TAB2: variants seen among roughly 807,000 people sequenced by gnomAD.
TAB2 encodes the protein TGF-beta-activated kinase 1 and MAP3K7-binding protein 2.
TAB2 carries 3 observed loss-of-function variants against 65.0 expected under a neutral mutation model. That is an observed-to-expected ratio of 0.05 (90% CI 0.02 to 0.12). The LOEUF (loss-of-function observed/expected upper bound fraction) is 0.12, where lower values mean the gene tolerates loss of function less well. Ranked by LOEUF, TAB2 falls within the 10% of genes least tolerant of loss-of-function variation. The pLI is 1.00. For synonymous variants in TAB2, 298 were observed against 285.1 expected (o/e 1.05, Z -0.46); for missense variants, 623 against 840.3 (o/e 0.74, Z 3.20).
chr6:149,383,779 C>T (rs1781697988), intron 3 of TAB2, among the ~76,000 whole-genome samples: 1 of 152,176 alleles, frequency 6.6e-6, no homozygotes, highest in Non-Finnish European at 1.5e-5. Context: ...GATGTGGTTT[C>T]ACCTTGTTGG....
chr6:149,264,123 G>A (rs771260355), intron 1 of TAB2, among the ~76,000 whole-genome samples: 91 of 152,298 alleles, frequency 6.0e-4, no homozygotes, highest in South Asian at 1.5e-3. Context: ...GGCAGGTAGC[G>A]CTGGTCTGAG....
At chr6:149,285,338 T>C (rs1311225930) in intron 1 of TAB2, among the ~76,000 whole-genome samples, 1 of 152,174 alleles carries the variant, frequency 6.6e-6, no homozygotes, top group African/African-American at 2.4e-5. Flanking sequence ...AACCCTCAAA[T>C]ACTTGACAAT....
chr6:149,315,895 T>C (rs867373038), upstream of TAB2, among the ~76,000 whole-genome samples: 2 of 152,326 alleles, frequency 1.3e-5, no homozygotes, highest in South Asian at 2.1e-4. Context: ...CTATAAAGCA[T>C]TATATTTCTA....
chr6:149,371,532 T>G (rs1422813868), intron 2 of TAB2, among the ~76,000 whole-genome samples: 1 of 152,214 alleles, frequency 6.6e-6, no homozygotes, highest in Non-Finnish European at 1.5e-5. Flanking sequence ...GCATATCTTT[T>G]GGTGATAAAC....
chr6:149,315,961 A>T (rs1488941691), upstream of TAB2, among the ~76,000 whole-genome samples: 1 of 152,234 alleles, frequency 6.6e-6, no homozygotes, highest in Non-Finnish European at 1.5e-5. Flanking sequence ...CATAAAATAC[A>T]TCATCCTACC....
intron 1 of TAB2, among the ~76,000 whole-genome samples, chr6:149,225,446 G>A (rs1459226341): frequency 6.6e-6 from 1 of 152,182 alleles, no homozygotes; most frequent in African/African-American, 2.4e-5. Flanking sequence ...TTTAGAGTTT[G>A]TCAGATTCCA....
chr6:149,259,365 AC>A (rs1778106094), intron 1 of TAB2, among the ~76,000 whole-genome samples: 1 of 151,672 alleles, frequency 6.6e-6, no homozygotes, highest in Non-Finnish European at 1.5e-5. Context: ...ACACACACAC[AC>A]ACACACATAC....
intron 1 of TAB2, among the ~76,000 whole-genome samples, chr6:149,341,547 G>A (rs1780127657): frequency 6.6e-6 from 1 of 152,100 alleles, no homozygotes; most frequent in Admixed American, 6.5e-5. Context: ...CAGCAGGGTG[G>A]GTAGTGATAT....
chr6:149,286,946 T>C (rs1778686867), intron 1 of TAB2, among the ~76,000 whole-genome samples: 1 of 152,016 alleles, frequency 6.6e-6, no homozygotes, highest in African/African-American at 2.4e-5. Flanking sequence ...CAAAACCCCG[T>C]TTCTACTAAA....
At chr6:149,338,282 A>G (rs1433003144) in intron 1 of TAB2, among the ~76,000 whole-genome samples, 1 of 152,212 alleles carries the variant, frequency 6.6e-6, no homozygotes, top group Non-Finnish European at 1.5e-5. Context: ...ATGAGTTTCC[A>G]TATGAAGCTT....
chr6:149,259,608 G>A lies in TAB2; in HGVS notation c.-121+40832G>A, dbSNP rs115952580. On this transcript the variant is annotated intron_variant, in intron 1 of 1. Coordinates refer to the TAB2 transcript ENST00000606202. ...TTAGCATTGCCCAACCTGGACAAAGGCAGGATATTCAGGAATCTCCAGAAG... is the reference window on the plus strand; with the variant it reads ...TTAGCATTGCCCAACCTGGACAAAGACAGGATATTCAGGAATCTCCAGAAG... Among the ~76,000 whole-genome samples the A allele has an allele frequency of 5.0e-3, 758 of 152,320 alleles. 5 individuals carry two copies. The highest frequency in any genetic ancestry group is 0.018 in the African/African-American group (731 of 41,558).
intron 1 of TAB2, among the ~76,000 whole-genome samples, chr6:149,220,342 G>A (rs1445323300): frequency 6.6e-6 from 1 of 152,076 alleles, no homozygotes; most frequent in African/African-American, 2.4e-5. Flanking sequence ...AATTGCAAAT[G>A]GAATCAAATT....
chr6:149,265,150 T>C (rs748180143), intron 1 of TAB2, among the ~76,000 whole-genome samples: 24 of 148,544 alleles, frequency 1.6e-4, no homozygotes, highest in Non-Finnish European at 3.3e-4. Flanking sequence ...TTTGAAATAA[T>C]GCTGGAAAAA....
At chr6:149,244,167 T>C (rs531078293) in intron 1 of TAB2, 1 of 152,358 alleles carries the variant, frequency 6.6e-6, no homozygotes, top group Admixed American at 6.5e-5. Flanking sequence ...GGCTGAGGCT[T>C]TCCAGTGTTT....
chr6:149,223,371 A>G lies in TAB2; in HGVS notation c.-121+4595A>G, dbSNP rs79355753. ...GCAGAATCTGTGCAGCTAAACAGAA[A>G]TTAAAACAACTGATTTCTAAGACTC... On this transcript the variant is annotated intron_variant, in intron 1 of 1. Coordinates refer to the TAB2 transcript ENST00000606202. Among the ~76,000 whole-genome samples the G allele has an allele frequency of 2.9e-4, 44 of 152,352 alleles. 2 individuals carry two copies. The East Asian group carries it at 8.5e-3, about 29-fold the overall frequency.
intron 1 of TAB2, among the ~76,000 whole-genome samples, chr6:149,340,778 T>G (rs751918115): frequency 6.6e-6 from 1 of 152,166 alleles, no homozygotes; most frequent in African/African-American, 2.4e-5. Flanking sequence ...ATATTTTGAA[T>G]AAGACACTTC....
At chr6:149,342,536 C>G (rs1414662670) in intron 1 of TAB2, 3 of 152,136 alleles carry the variant, frequency 2.0e-5, no homozygotes, top group East Asian at 1.9e-4. Flanking sequence ...TGGTTACTTG[C>G]AATTTAAGAG....
chr6:149,326,622 A>G lies in TAB2; in HGVS notation c.-90+8607A>G, dbSNP rs138512075. On this transcript the variant is annotated intron_variant, in intron 1 of 6. Coordinates refer to ENST00000637181, the MANE Select transcript of TAB2 (RefSeq NM_001292034.3). ...GAGTGCAATGTTGCAATCTCAGCTCACTGCAACCTTTGCCTCCTGGGTTCA... is the reference window on the plus strand; with the variant it reads ...GAGTGCAATGTTGCAATCTCAGCTCGCTGCAACCTTTGCCTCCTGGGTTCA... Among the ~76,000 whole-genome samples the G allele has an allele frequency of 7.0e-3, 1,058 of 151,574 alleles. 11 individuals carry two copies. Among genetic ancestry groups the G allele is most frequent in the African/African-American group, 0.024 (975 of 41,320 alleles).
chr6:149,322,175 A>G (rs987863437), intron 1 of TAB2, among the ~76,000 whole-genome samples: 2 of 152,174 alleles, frequency 1.3e-5, no homozygotes, highest in African/African-American at 4.8e-5. Context: ...ATTGAAGAAC[A>G]GACAAAAATA....
Sources: gnomAD v4.1 joint callset for allele counts (sites outside exome capture counted in the v4.1 genomes callset) on GRCh38, gnomAD v4.1.1 for gene constraint, MANE v1.5 for transcripts, NCBI Gene and HGNC (gene_info 2026-07-23, HGNC 2026-07-21) for gene names.